The following LRP2BP variants were observed in gnomAD, a reference collection of about 807,000 sequenced individuals.
The protein encoded by LRP2BP is LRP2 binding protein.
In LRP2BP, 38 loss-of-function variants were observed where a neutral mutation model predicts 45.2. The ratio of observed to expected loss-of-function variants is 0.84; its 90% CI spans 0.65 to 1.10. The LOEUF (loss-of-function observed/expected upper bound fraction) is 1.10. Ranked by LOEUF, LRP2BP falls within the 50% of genes least tolerant of loss-of-function variation. The pLI is 0.00. For missense variants in LRP2BP, 385 were observed against 418.9 expected (o/e 0.92, Z 0.71); for synonymous variants, 153 against 153.9 (o/e 0.99, Z 0.04).
At chr4:185,388,144 G>A (rs565565976) in intron 1 of LRP2BP, among the ~76,000 whole-genome samples, 81 of 152,290 alleles carry the variant, frequency 5.3e-4, no homozygotes, top group African/African-American at 1.8e-3. Flanking sequence ...GTTCCACGGC[G>A]TGTAAGGCAG....
At chr4:185,377,352 C>T (rs2095441541) in intron 2 of LRP2BP, 1 of 211,996 alleles carries the variant, frequency 4.7e-6, no homozygotes, top group Non-Finnish European at 9.7e-6. Context: ...AACCCCGTCT[C>T]TACTAAAAAT....
Position 185,376,945 on chromosome 4 carries a change from C to A in LRP2BP, c.180G>T (p.Leu60=). 1 of 1,613,750 alleles carries A rather than the reference C, an allele frequency of 6.2e-7. No individual in the cohort carries two copies. The highest frequency in any genetic ancestry group is 8.5e-7 in the Non-Finnish European group (1 of 1,179,720). The change falls in exon 3 of 9, where the codon CTG becomes CTT. Residue 60 remains leucine, a synonymous_variant. Transcript: ENST00000505916. ...LKERILKGDT[L]AYFLRGQLYF... is the part of the protein sequence containing the mutation. ...ATAGTTGACCTCGTAGGAAATATGCCAGAGTGTCTCCTTTCAGTATTCTTT... is the reference window on the plus strand; with the variant it reads ...ATAGTTGACCTCGTAGGAAATATGCAAGAGTGTCTCCTTTCAGTATTCTTT...
chr4:185,380,532 C>A (rs1478049003), intron 1 of LRP2BP, among the ~76,000 whole-genome samples: 1 of 152,228 alleles, frequency 6.6e-6, no homozygotes, highest in Admixed American at 6.5e-5. Flanking sequence ...GCCTTCCCTT[C>A]ATGTCTCCTC....
chr4:185,393,572 C>T (rs1474904233), intron 1 of LRP2BP, among the ~76,000 whole-genome samples: 2 of 150,806 alleles, frequency 1.3e-5, no homozygotes, highest in African/African-American at 4.9e-5. Flanking sequence ...GTCACCCAGG[C>T]TGGAGTGCAG....
intron 1 of LRP2BP, among the ~76,000 whole-genome samples, chr4:185,388,016 AG>A (rs1384068987): frequency 6.6e-6 from 1 of 152,208 alleles, no homozygotes; most frequent in Admixed American, 6.5e-5. Context: ...GGCCGAGGAC[AG>A]GCCGGCCCTA....
rs755045117 is a variant in LRP2BP, at chr4:185,367,190, T to C, written c.1034A>G (p.Gln345Arg). 9 of 1,612,654 alleles carry C rather than the reference T, an allele frequency of 5.6e-6. No homozygotes were observed. Among genetic ancestry groups the C allele is most frequent in the Admixed American group, 1.7e-5 (1 of 59,920 alleles). ...ADELHSLLIRQRI is the reference protein window; with the variant it reads ...ADELHSLLIRRRI ...GAAATACATTGTGGTCTAAATTCTT[T>C]GACGAATAAGTAAGGAGTGAAGTTC... Residue 345 changes from glutamine to arginine, a missense_variant, in exon 9 of 9, where the codon CAA (glutamine) becomes CGA (arginine). Transcript: ENST00000505916.
At chr4:185,369,712 T>G in intron 8 of LRP2BP, 1 of 432,312 alleles carries the variant, frequency 2.3e-6, no homozygotes, top group South Asian at 1.7e-5. Flanking sequence ...TAAAGTAATT[T>G]AGGGTTCCCA....
upstream of LRP2BP, chr4:185,396,750 G>C: frequency 1.5e-6 from 1 of 683,240 alleles, no homozygotes; most frequent in Non-Finnish European, 2.6e-6. Flanking sequence ...GGATTAGGCT[G>C]CTCGGGCGTA....
At chr4:185,375,495 T>TATAC (rs1271543968) in intron 4 of LRP2BP, 118 bp downstream of exon 4, 1 of 52,578 alleles carries the variant, frequency 1.9e-5, no homozygotes, top group East Asian at 6.4e-4. Context: ...AAAATATATA[T>TATAC]ATATATATAT....
At chr4:185,369,209 T>C (rs1436726379) in intron 8 of LRP2BP, among the ~76,000 whole-genome samples, 1 of 150,260 alleles carries the variant, frequency 6.7e-6, no homozygotes, top group Non-Finnish European at 1.5e-5. Flanking sequence ...GGTTTGGAAA[T>C]TGATGTAATA....
intron 7 of LRP2BP, among the ~76,000 whole-genome samples, chr4:185,372,143 G>A (rs1579977294): frequency 6.6e-6 from 1 of 152,298 alleles, no homozygotes; most frequent in Middle Eastern, 3.4e-3. Flanking sequence ...TTTCAGTGGT[G>A]CAGTTATAGA....
Position 185,373,002 on chromosome 4 carries a change from A to G in LRP2BP, c.657T>C (p.Tyr219=). ...SQGALGLMYL[Y]GQGIRQDTEA... is the part of the protein sequence containing the mutation. ...CCGTATCCTGCCGGATGCCTTGTCC[A>G]TACAAGTACATGAGCCCAAGTGCAC... The change falls in exon 7 of 9, where the codon TAT becomes TAC. Residue 219 remains tyrosine, a synonymous_variant. Transcript: ENST00000505916. 1 of 1,613,926 alleles carries G rather than the reference A, an allele frequency of 6.2e-7. No homozygotes were observed. The highest frequency in any genetic ancestry group is 8.5e-7 in the Non-Finnish European group (1 of 1,179,808).
chr4:185,384,904 C>T (rs1420659743), intron 1 of LRP2BP, among the ~76,000 whole-genome samples: 8 of 143,988 alleles, frequency 5.6e-5, no homozygotes, highest in Middle Eastern at 3.6e-3. Context: ...CCCCGCCCCC[C>T]GTCCCCCGCC....
chr4:185,375,443 G>A (rs1230294082), intron 4 of LRP2BP, among the ~76,000 whole-genome samples, 170 bp downstream of exon 4: 3 of 86,560 alleles, frequency 3.5e-5, no homozygotes, highest in African/African-American at 4.4e-5. Context: ...GCGACAGAGC[G>A]AGACTCCGTC....
chr4:185,372,063 T>G (rs1277295053), intron 7 of LRP2BP, among the ~76,000 whole-genome samples: 2 of 152,154 alleles, frequency 1.3e-5, no homozygotes, highest in Admixed American at 6.5e-5. Context: ...AAAGACGTCT[T>G]TTATATTTTA....
intron 1 of LRP2BP, among the ~76,000 whole-genome samples, chr4:185,394,337 T>C (rs1038334864): frequency 6.7e-6 from 1 of 148,704 alleles, no homozygotes; most frequent in African/African-American, 2.5e-5. Flanking sequence ...TGACCAGAGG[T>C]GACCAAAATT....
At chr4:185,379,658 C>T (rs1298272553) in intron 1 of LRP2BP, among the ~76,000 whole-genome samples, 2 of 152,112 alleles carry the variant, frequency 1.3e-5, no homozygotes, top group African/African-American at 2.4e-5. Context: ...TAGGCAGCGC[C>T]GACAAAACTT....
Position 185,374,573 on chromosome 4 carries a change from T to A in LRP2BP, c.331-112A>T. ...CGCCCTCTGACACGATGTATAATAC[T>A]ATGAATCTGTGCCCAAGGGGTACAA... On this transcript the variant is annotated intron_variant, in intron 4 of 8. Coordinates refer to ENST00000505916, the MANE Select transcript of LRP2BP (RefSeq NM_001377440.1). 4 of 1,127,514 alleles carry A rather than the reference T, an allele frequency of 3.5e-6. No individual in the cohort carries two copies. The South Asian group carries it at 6.2e-5, about 18-fold the overall frequency. 69.8% of individuals were successfully genotyped at this position (1,127,514 alleles called of 1,614,324 possible).
At chr4:185,389,177 C>T (rs181807282) in intron 1 of LRP2BP, among the ~76,000 whole-genome samples, 50 of 151,790 alleles carry the variant, frequency 3.3e-4, no homozygotes, top group Non-Finnish European at 5.7e-4. Flanking sequence ...CTACACCTGG[C>T]CTTTTTTAAT....
Sources: gnomAD v4.1 joint callset for allele counts (sites outside exome capture counted in the v4.1 genomes callset) on GRCh38, gnomAD v4.1.1 for gene constraint, MANE v1.5 for transcripts, NCBI Gene and HGNC (gene_info 2026-07-23, HGNC 2026-07-21) for gene names.